ATRNL1: variants seen among roughly 807,000 people sequenced by gnomAD.
The protein encoded by ATRNL1 is attractin-like protein 1.
Under a neutral mutation model 182.7 loss-of-function variants are expected in ATRNL1, and 95 were observed. The observed-to-expected ratio is 0.52, with a 90% CI of 0.44 to 0.62. The LOEUF is 0.62. Among genes scored for constraint, ATRNL1 ranks in the 20% least tolerant of loss-of-function variants. The probability of loss-of-function intolerance (pLI) is 0.00; values close to 1 mark genes in which losing one functional copy is unlikely to be tolerated. For synonymous variants in ATRNL1, 576 were observed against 568.3 expected (o/e 1.01, Z -0.19); for missense variants, 1,471 against 1,679.5 (o/e 0.88, Z 2.17).
intron 13 of ATRNL1, among the ~76,000 whole-genome samples, chr10:115,274,183 C>A (rs1305203275): frequency 1.3e-5 from 2 of 152,200 alleles, no homozygotes; most frequent in African/African-American, 2.4e-5. Context: ...TACCATTGCA[C>A]CTGCAGGATC....
intron 26 of ATRNL1, among the ~76,000 whole-genome samples, chr10:115,558,065 C>CAAAAAAAAAAAAAAA (rs113014620): frequency 1.4e-5 from 2 of 144,632 alleles, no homozygotes; most frequent in African/African-American, 5.1e-5. Flanking sequence ...AACAAAAAAA[C>CAAAAAAAAAAAAAAA]AAAAAAAAAA....
At chr10:115,121,671 T>A (rs1554871640) in intron 2 of ATRNL1, 28 bp from the exon 3 acceptor site, 1 of 1,048,144 alleles carries the variant, frequency 9.5e-7, no homozygotes, top group Non-Finnish European at 1.4e-6. Context: ...ATATTTTAAT[T>A]TGAAAAATAT....
At chr10:115,334,443 T>C (rs1554936090) in intron 19 of ATRNL1, 24 bp downstream of exon 19, 3 of 1,497,882 alleles carry the variant, frequency 2.0e-6, no homozygotes, top group Non-Finnish European at 2.7e-6. Flanking sequence ...AAGCAAATTT[T>C]GGTGTATTTT....
At chr10:115,649,226 G>T (rs528184645) in intron 26 of ATRNL1, among the ~76,000 whole-genome samples, 2 of 152,088 alleles carry the variant, frequency 1.3e-5, no homozygotes, top group African/African-American at 2.4e-5. Context: ...TTAAAAATTT[G>T]CTATTTGTAT....
intron 8 of ATRNL1, among the ~76,000 whole-genome samples, chr10:115,175,216 A>C (rs1422973322): frequency 6.6e-6 from 1 of 152,010 alleles, no homozygotes; most frequent in Non-Finnish European, 1.5e-5. Flanking sequence ...CGTGTGCTTC[A>C]TCGTTTCCTT....
At chr10:115,549,810 T>A (rs1441246462) in intron 26 of ATRNL1, among the ~76,000 whole-genome samples, 1 of 151,982 alleles carries the variant, frequency 6.6e-6, no homozygotes, top group African/African-American at 2.4e-5. Context: ...GTTTAAAAAA[T>A]TTTGTAATAT....
At chr10:115,104,987 T>G (rs1246334413) in intron 1 of ATRNL1, among the ~76,000 whole-genome samples, 8 of 152,140 alleles carry the variant, frequency 5.3e-5, no homozygotes, top group Non-Finnish European at 1.2e-4. Flanking sequence ...TCAGGTAATA[T>G]GATGCTTCCA....
rs201434537 is a variant in ATRNL1, at chr10:115,178,928, C to G, written c.1348+7636C>G. ...TTTTTTATAGGTACTCTTTTTTTTT[C>G]TAAAAAAATTTATATTCTTTTTCTA... On this transcript the variant is annotated intron_variant, in intron 8 of 28. Transcript: ENST00000355044. 2.7e-4 allele frequency among the ~76,000 whole-genome samples: 39 copies of G among 144,058 alleles called. 1 individual carries two copies. The highest frequency in any genetic ancestry group is 9.8e-4 in the African/African-American group (39 of 39,800). The allele number at this position is 144,058 out of a possible 152,430, so 94.5% of individuals were successfully genotyped here.
intron 19 of ATRNL1, among the ~76,000 whole-genome samples, chr10:115,383,531 A>G (rs1460789551): frequency 6.6e-6 from 1 of 151,958 alleles, no homozygotes; most frequent in Non-Finnish European, 1.5e-5. Context: ...GTAAGTTTAT[A>G]TTTATAAAAT....
intron 10 of ATRNL1, among the ~76,000 whole-genome samples, chr10:115,242,673 A>AT (rs1850472662): frequency 6.6e-6 from 1 of 152,060 alleles, no homozygotes; most frequent in Admixed American, 6.5e-5. Flanking sequence ...AAGTAGAATC[A>AT]TGTAAAGAAA....
chr10:115,880,997 G>A (rs2615890), intron 28 of ATRNL1, among the ~76,000 whole-genome samples: 86,331 of 151,884 alleles, frequency 0.57, 24,910 homozygotes, highest in East Asian at 0.76. Context: ...TAATCCCCCC[G>A]GGGTGAAAAT....
chr10:115,126,043 A>G (rs1294364087), intron 3 of ATRNL1, among the ~76,000 whole-genome samples: 1 of 152,236 alleles, frequency 6.6e-6, no homozygotes, highest in Non-Finnish European at 1.5e-5. Flanking sequence ...AAAAAACCAA[A>G]CAGATCTATT....
chr10:115,775,609 G>A (rs1457035552), intron 27 of ATRNL1, among the ~76,000 whole-genome samples: 1 of 152,134 alleles, frequency 6.6e-6, no homozygotes, highest in Non-Finnish European at 1.5e-5. Context: ...TAAGGAGTCA[G>A]TGCAATAATT....
intron 26 of ATRNL1, among the ~76,000 whole-genome samples, chr10:115,681,565 G>A (rs781910669): frequency 2.5e-4 from 38 of 152,040 alleles, no homozygotes; most frequent in Non-Finnish European, 4.3e-4. Flanking sequence ...GTATCCTTCC[G>A]TTTGATAGAA....
chr10:115,720,925 ATAACT>A (rs1174145780), intron 26 of ATRNL1, among the ~76,000 whole-genome samples: 8 of 152,218 alleles, frequency 5.3e-5, no homozygotes, highest in African/African-American at 9.6e-5. Flanking sequence ...ATTTCTTGAA[ATAACT>A]TAAGGAAGTA....
chr10:115,146,231 G>A (rs182764642), intron 5 of ATRNL1, among the ~76,000 whole-genome samples: 7 of 151,942 alleles, frequency 4.6e-5, no homozygotes, highest in Admixed American at 2.0e-4. Flanking sequence ...TGCTTTTTTC[G>A]TAGTAGTATA....
intron 26 of ATRNL1, among the ~76,000 whole-genome samples, chr10:115,605,459 C>T (rs1856821318): frequency 6.6e-6 from 1 of 151,984 alleles, no homozygotes; most frequent in Admixed American, 6.6e-5. Context: ...TACACCTTTG[C>T]ATAGATTACT....
chr10:115,916,206 T>C (rs538140502), intron 28 of ATRNL1, among the ~76,000 whole-genome samples: 10 of 152,350 alleles, frequency 6.6e-5, no homozygotes, highest in African/African-American at 2.2e-4. Flanking sequence ...GCACCACATA[T>C]TGGATTGTGA....
chr10:115,822,763 A>G (rs1218170983), intron 27 of ATRNL1, among the ~76,000 whole-genome samples: 1 of 152,176 alleles, frequency 6.6e-6, no homozygotes, highest in Non-Finnish European at 1.5e-5. Context: ...GACCAATAAC[A>G]AGTTCTGAAA....
Sources: gnomAD v4.1 joint callset for allele counts (sites outside exome capture counted in the v4.1 genomes callset) on GRCh38, gnomAD v4.1.1 for gene constraint, MANE v1.5 for transcripts, NCBI Gene and HGNC (gene_info 2026-07-23, HGNC 2026-07-21) for gene names.